Variants in RBFOX1 observed in about 807,000 individuals in gnomAD.
RBFOX1 encodes RNA binding protein fox-1 homolog 1.
Under a neutral mutation model 57.7 loss-of-function variants are expected in RBFOX1, and 8 were observed. That is an observed-to-expected ratio of 0.14 (90% CI 0.08 to 0.25). The LOEUF is 0.25. Ranked by LOEUF, RBFOX1 falls within the 10% of genes least tolerant of loss-of-function variation. The pLI, the probability that RBFOX1 is intolerant of heterozygous loss-of-function variation, is 1.00. For missense variants in RBFOX1, 611 were observed against 548.5 expected, an observed-to-expected ratio of 1.11 and a Z score of -1.14; for synonymous variants, 326 against 222.4, an observed-to-expected ratio of 1.47 and a Z score of -4.15.
intron 3 of RBFOX1, among the ~76,000 whole-genome samples, chr16:6,695,838 C>T (rs2110349): frequency 0.47 from 71,093 of 152,052 alleles, 19,547 homozygotes; most frequent in Non-Finnish European, 0.6. Flanking sequence ...TTTGTTTTCC[C>T]TGCTGGAAAT....
At chr16:5,927,462 G>A (rs1199808022) in intron 4 of RBFOX1, among the ~76,000 whole-genome samples, 2 of 152,212 alleles carry the variant, frequency 1.3e-5, no homozygotes, top group Non-Finnish European at 2.9e-5. Flanking sequence ...GTTGGTAAGG[G>A]TGTGGAGAAA....
chr16:6,350,020 C>G (rs1451076195), intron 2 of RBFOX1, among the ~76,000 whole-genome samples: 1 of 152,108 alleles, frequency 6.6e-6, no homozygotes, highest in Non-Finnish European at 1.5e-5. Flanking sequence ...CTATTAATTA[C>G]TTTGGTACGC....
At chr16:6,189,178 ATATT>A (rs1468754334) in intron 1 of RBFOX1, among the ~76,000 whole-genome samples, 1 of 152,206 alleles carries the variant, frequency 6.6e-6, no homozygotes, top group Non-Finnish European at 1.5e-5. Flanking sequence ...TGTCAGATGG[ATATT>A]ACAATGAATG....
chr16:5,998,358 A>T (rs1197933793), intron 4 of RBFOX1, among the ~76,000 whole-genome samples: 1 of 152,232 alleles, frequency 6.6e-6, no homozygotes, highest in Non-Finnish European at 1.5e-5. Context: ...TTACATTTGC[A>T]TTGTCTATAA....
At chr16:7,009,644 C>T (rs1031600979) in intron 3 of RBFOX1, among the ~76,000 whole-genome samples, 3 of 152,130 alleles carry the variant, frequency 2.0e-5, no homozygotes, top group Non-Finnish European at 4.4e-5. Context: ...ATTCTACCGT[C>T]TGGGCACTTG....
chr16:6,403,642 A>G (rs2093166245), intron 2 of RBFOX1, among the ~76,000 whole-genome samples: 1 of 152,140 alleles, frequency 6.6e-6, no homozygotes, highest in African/African-American at 2.4e-5. Context: ...GCCATGAGCC[A>G]CCGTGCCTGA....
At chr16:7,485,192 C>T (rs1389876093) in intron 4 of RBFOX1, among the ~76,000 whole-genome samples, 4 of 151,996 alleles carry the variant, frequency 2.6e-5, no homozygotes, top group Admixed American at 2.6e-4. Context: ...GTTCACTGAC[C>T]TACCTGTTAT....
chr16:7,422,188 G>A (rs747836249), intron 4 of RBFOX1, among the ~76,000 whole-genome samples: 12 of 152,104 alleles, frequency 7.9e-5, no homozygotes, highest in Non-Finnish European at 1.5e-4. Context: ...GCTTGTGCGA[G>A]TGAGAAACAC....
chr16:5,464,245 G>A (rs1305174990), intron 1 of RBFOX1, among the ~76,000 whole-genome samples: 1 of 152,240 alleles, frequency 6.6e-6, no homozygotes, highest in African/African-American at 2.4e-5. Context: ...GTGCTCAGGA[G>A]AGCAGTTGGG....
intron 3 of RBFOX1, among the ~76,000 whole-genome samples, chr16:6,724,964 A>T (rs1481187279): frequency 6.6e-6 from 1 of 151,774 alleles, no homozygotes; most frequent in Non-Finnish European, 1.5e-5. Flanking sequence ...TTTGGCATGC[A>T]AATGCATTAC....
chr16:5,599,307 A>C, exon 3 of RBFOX1: 3 of 623,814 alleles, frequency 4.8e-6, no homozygotes, highest in Non-Finnish European at 8.6e-6. Flanking sequence ...TTGTGGGAGC[A>C]CGTGAAAGAA....
intron 1 of RBFOX1, among the ~76,000 whole-genome samples, chr16:5,461,901 C>G (rs778179853): frequency 6.6e-6 from 1 of 152,172 alleles, no homozygotes; most frequent in Non-Finnish European, 1.5e-5. Flanking sequence ...AGAGAAGGGA[C>G]AAGGGGTAGC....
At chr16:7,166,928 C>CTGATGACAT (rs143530686) in intron 4 of RBFOX1, among the ~76,000 whole-genome samples, 1,416 of 137,320 alleles carry the variant, frequency 0.01, 23 homozygotes, top group African/African-American at 0.037. Flanking sequence ...TCTTTCTTTA[C>CTGATGACAT]TGATGACATC....
At chr16:7,228,364 C>G (rs914180315) in intron 4 of RBFOX1, among the ~76,000 whole-genome samples, 3 of 152,076 alleles carry the variant, frequency 2.0e-5, no homozygotes, top group Non-Finnish European at 4.4e-5. Context: ...CCTACTACCC[C>G]CCGCTGTCAT....
At chr16:6,770,751 C>T (rs532018062) in intron 3 of RBFOX1, among the ~76,000 whole-genome samples, 5 of 152,266 alleles carry the variant, frequency 3.3e-5, no homozygotes, top group African/African-American at 1.2e-4. Context: ...CTGCTGGATT[C>T]ATTCTTCTTG....
intron 2 of RBFOX1, among the ~76,000 whole-genome samples, chr16:6,439,626 G>T (rs549025926): frequency 6.6e-6 from 1 of 152,070 alleles, no homozygotes; most frequent in African/African-American, 2.4e-5. Flanking sequence ...TTGTTTCCCC[G>T]AACCACTATT....
At chr16:7,217,816 A>G (rs1458885128) in intron 4 of RBFOX1, among the ~76,000 whole-genome samples, 2 of 152,170 alleles carry the variant, frequency 1.3e-5, no homozygotes, top group Admixed American at 1.3e-4. Flanking sequence ...GTTCATCTGA[A>G]AGACTTACAG....
At chr16:7,515,958 C>A (rs1013642746) in intron 4 of RBFOX1, among the ~76,000 whole-genome samples, 1 of 152,144 alleles carries the variant, frequency 6.6e-6, no homozygotes, top group Non-Finnish European at 1.5e-5. Flanking sequence ...GGTTCTCCTG[C>A]CTCAGTCTCC....
intron 3 of RBFOX1, among the ~76,000 whole-genome samples, chr16:6,756,507 CAATG>C (rs750484210): frequency 6.6e-6 from 1 of 152,026 alleles, no homozygotes; most frequent in Non-Finnish European, 1.5e-5. Flanking sequence ...ACAAAGGAAA[CAATG>C]AATGCAGCAA....
Sources: allele counts gnomAD v4.1 joint callset (sites outside exome capture counted in the v4.1 genomes callset), GRCh38; gene constraint gnomAD v4.1.1; transcripts MANE v1.5; gene names NCBI Gene and HGNC (gene_info 2026-07-23, HGNC 2026-07-21).